The following SLCO5A1 variants were observed in gnomAD, a reference collection of about 807,000 sequenced individuals.
SLCO5A1 encodes solute carrier organic anion transporter family member 5A1.
In SLCO5A1, 39 loss-of-function variants were observed where a neutral mutation model predicts 65.1. The observed-to-expected ratio is 0.60, with a 90% CI of 0.46 to 0.78. The LOEUF is 0.78. Among genes scored for constraint, SLCO5A1 ranks in the 30% least tolerant of loss-of-function variants. SLCO5A1 has a pLI of 0.00. For missense variants in SLCO5A1, 1,029 were observed against 1,069.4 expected, an observed-to-expected ratio of 0.96 and a Z score of 0.53; for synonymous variants, 438 against 415.7, an observed-to-expected ratio of 1.05 and a Z score of -0.65.
At chr8:69,819,738 G>T (rs975439935) in intron 2 of SLCO5A1, among the ~76,000 whole-genome samples, 2 of 152,198 alleles carry the variant, frequency 1.3e-5, no homozygotes, top group African/African-American at 4.8e-5. Context: ...GAGGTGGGCA[G>T]ATCACCTGAG....
chr8:69,797,593 T>G (rs987529046), intron 2 of SLCO5A1, among the ~76,000 whole-genome samples: 5 of 152,148 alleles, frequency 3.3e-5, no homozygotes, highest in African/African-American at 9.7e-5. Flanking sequence ...AATACGTCCC[T>G]GAGGGCAGGC....
intron 6 of SLCO5A1, 45 bp from the exon 7 acceptor site, chr8:69,682,388 A>T (rs769004221): frequency 2.3e-5 from 33 of 1,455,180 alleles, no homozygotes; most frequent in Non-Finnish European, 2.9e-5. Context: ...TTACCAAAAT[A>T]AAACTCATAG....
In SLCO5A1 at chr8:69,671,305, G is replaced by A. The variant is rs1197935453; in HGVS notation, c.*1564C>T. The A allele has an allele frequency of 2.6e-5, 4 of 152,222 alleles. 1 individual carries two copies. Among genetic ancestry groups the A allele is most frequent in the Admixed American group, 2.6e-4 (4 of 15,284 alleles). The allele number at this position is 152,222 out of a possible 1,614,324, so 9.4% of individuals were successfully genotyped here. A position where few individuals can be genotyped will look rare whatever the true frequency, so the allele number is the denominator to read the frequency against. ...GTTGGAGAGCAGAAGCCTGAATCAT[G>A]GAACAGTCTGTCAATCACATCTCTT... On this transcript the variant is annotated 3_prime_UTR_variant, in exon 10 of 10. Transcript: ENST00000260126.
intron 5 of SLCO5A1, among the ~76,000 whole-genome samples, chr8:69,708,846 G>T (rs1421000571): frequency 6.6e-6 from 1 of 152,150 alleles, no homozygotes; most frequent in Non-Finnish European, 1.5e-5. Flanking sequence ...GGCAGAGGTT[G>T]CAGTGAGCTG....
chr8:69,706,244 T>A (rs1346472110), intron 5 of SLCO5A1, among the ~76,000 whole-genome samples: 1 of 152,154 alleles, frequency 6.6e-6, no homozygotes, highest in Non-Finnish European at 1.5e-5. Context: ...TAAACAGCAT[T>A]GTCTGGGAAT....
At chr8:69,710,397 A>G (rs2959570) in intron 5 of SLCO5A1, among the ~76,000 whole-genome samples, 90,762 of 151,344 alleles carry the variant, frequency 0.6, 27,380 homozygotes, top group South Asian at 0.71. Flanking sequence ...ACAAAAAGGG[A>G]AGTTTGGATA....
chr8:69,690,051 AC>A (rs1436954579), intron 6 of SLCO5A1, among the ~76,000 whole-genome samples: 3 of 140,506 alleles, frequency 2.1e-5, no homozygotes, highest in Non-Finnish European at 3.2e-5. Context: ...CTTTGCGGGT[AC>A]GGGGGGGCGC....
intron 8 of SLCO5A1, among the ~76,000 whole-genome samples, chr8:69,677,317 G>C (rs1324608204): frequency 6.6e-6 from 1 of 151,980 alleles, no homozygotes; most frequent in Non-Finnish European, 1.5e-5. Flanking sequence ...AAGATTAAAG[G>C]GCTCCTTTTC....
At chr8:69,710,036 T>TTTTTTTTTG (rs398073302) in intron 5 of SLCO5A1, among the ~76,000 whole-genome samples, 4 of 148,260 alleles carry the variant, frequency 2.7e-5, no homozygotes, top group Admixed American at 1.3e-4. Flanking sequence ...TTTTTTTTTT[T>TTTTTTTTTG]AGACAGAGTT....
At chr8:69,787,326 T>A (rs1041038276) in intron 2 of SLCO5A1, among the ~76,000 whole-genome samples, 1 of 152,240 alleles carries the variant, frequency 6.6e-6, no homozygotes, top group Non-Finnish European at 1.5e-5. Flanking sequence ...TCGTTGCAAT[T>A]GAGTAGTGTC....
rs545198276 is a variant in SLCO5A1 at position 69,670,351 on chromosome 8, A to T, written c.*2518T>A. On this transcript the variant is annotated 3_prime_UTR_variant, in exon 10 of 10. Transcript: ENST00000260126. ...GTATCATCTACAAAACAGTCACTTC[A>T]GTTGGCTATGTAATATTCCAGTGAT... is the stretch of plus-strand genomic sequence containing the variant. The T allele has an allele frequency of 2.6e-5, 4 of 152,364 alleles. No individual in the cohort carries two copies. The highest frequency in any genetic ancestry group is 6.5e-5 in the Admixed American group (1 of 15,308). 9.4% of individuals were successfully genotyped at this position (152,364 alleles called of 1,614,324 possible). A position where few individuals can be genotyped will look rare whatever the true frequency, so the allele number is the denominator to read the frequency against.
chr8:69,725,368 A>C (rs953687871), intron 5 of SLCO5A1, among the ~76,000 whole-genome samples: 8 of 152,178 alleles, frequency 5.3e-5, no homozygotes, highest in Non-Finnish European at 7.3e-5. Context: ...ACATCGAGCT[A>C]CCTTATTTCT....
chr8:69,700,711 T>G (rs1220127294), intron 6 of SLCO5A1, among the ~76,000 whole-genome samples: 1 of 151,808 alleles, frequency 6.6e-6, no homozygotes, highest in East Asian at 1.9e-4. Context: ...AAAAGAGCAT[T>G]AGAAATTAGA....
intron 2 of SLCO5A1, among the ~76,000 whole-genome samples, chr8:69,783,633 C>T (rs919612421): frequency 2.0e-5 from 3 of 151,888 alleles, no homozygotes; most frequent in African/African-American, 4.8e-5. Flanking sequence ...ATGGAATTTG[C>T]ATATCTGGTT....
At chr8:69,703,118 AAAAAAAGAAAAAAG>A (rs555853929) in intron 6 of SLCO5A1, among the ~76,000 whole-genome samples, 9 of 144,032 alleles carry the variant, frequency 6.2e-5, no homozygotes, top group Non-Finnish European at 1.4e-4. Flanking sequence ...TTCAAAAAAA[AAAAAAAGAAAAAAG>A]AAAAAAAGAA....
chr8:69,673,091 A>G lies in SLCO5A1; in HGVS notation c.2325T>C (p.Phe775=), dbSNP rs143212652. The change falls in exon 10 of 10, where the codon TTT becomes TTC. Residue 775 remains phenylalanine (F), a synonymous_variant. Transcript: ENST00000260126. ...DGLQRRRQRE[F]PLSTVSERVG... ...CTCTCTCACTCACGGTGCTCAGGGG[A>G]AATTCTCTCTGCCTCCGCCTCTGCA... 3.9e-5 allele frequency: 63 copies of G among 1,614,222 alleles called. No homozygotes were observed. Among genetic ancestry groups the G allele is most frequent in the African/African-American group, 5.3e-5 (4 of 75,054 alleles).
rs1190848709 is a variant in SLCO5A1, at chr8:69,672,894, G to T, written c.2522C>A (p.Pro841His). 2 of 1,612,406 alleles carry T rather than the reference G, an allele frequency of 1.2e-6. No individual in the cohort carries two copies. The highest frequency in any genetic ancestry group is 1.3e-5 in the African/African-American group (1 of 74,908). The change falls in exon 10 of 10, where the codon CCC becomes CAC. Residue 841 changes from proline (P) to histidine (H), a missense_variant. This residue lies in a region of SLCO5A1 where 258 missense variants were observed against 237.4 expected (regional missense o/e 1.09). Coordinates refer to ENST00000260126, the MANE Select transcript of SLCO5A1 (RefSeq NM_030958.3). The part of the protein sequence containing the change: ...SSADPGLEES[P>H]AALEPPS ...TCAGGAGGGCGGCTCCAAGGCAGCG[G>T]GGCTCTCTTCCAGCCCCGGGTCCGC...
intron 6 of SLCO5A1, among the ~76,000 whole-genome samples, chr8:69,683,841 C>G (rs1466479988): frequency 6.6e-6 from 1 of 152,136 alleles, no homozygotes. Context: ...GGATTACAAG[C>G]GTGAGCAACC....
Position 69,689,551 on chromosome 8 carries a change from A to G in SLCO5A1, c.1623-7208T>C, listed in dbSNP as rs1207182494. The stretch of plus-strand genomic sequence containing the variant: ...GGAAGGGATCCAGTTTCAGCTTTCT[A>G]CATATGGCTAGCCAGTTTTCCCAGC... On this transcript the variant is annotated intron_variant, in intron 6 of 9. Transcript: ENST00000260126. Among the ~76,000 whole-genome samples, 7 of 140,210 alleles carry G rather than the reference A, an allele frequency of 5.0e-5. No homozygotes were observed. The South Asian group carries it at 1.5e-3, about 30-fold the overall frequency. 92.0% of individuals were successfully genotyped at this position (140,210 alleles called of 152,430 possible). A position where few individuals can be genotyped will look rare whatever the true frequency, so the allele number is the denominator to read the frequency against.
Sources: gnomAD v4.1 joint callset for allele counts (sites outside exome capture counted in the v4.1 genomes callset) on GRCh38, gnomAD v4.1.1 for gene constraint, gnomAD v4.1.1 regional missense constraint, MANE v1.5 for transcripts, NCBI Gene and HGNC (gene_info 2026-07-23, HGNC 2026-07-21) for gene names.